The following CDH13 variants were observed in gnomAD, a reference collection of about 807,000 sequenced individuals.
CDH13 encodes the protein cadherin-13.
A neutral mutation model predicts 63.8 loss-of-function variants in CDH13; 24 were observed. The observed-to-expected ratio is 0.38, with a 90% CI of 0.27 to 0.53. CDH13 has a LOEUF of 0.53. CDH13 is among the 20% of genes least tolerant of loss of function. CDH13 has a pLI of 0.85. For missense variants in CDH13, 1,049 were observed against 903.1 expected (o/e 1.16, Z -2.07); for synonymous variants, 503 against 355.3 (o/e 1.42, Z -4.67).
chr16:83,359,620 G>C (rs569119557), intron 6 of CDH13, among the ~76,000 whole-genome samples: 14 of 152,268 alleles, frequency 9.2e-5, no homozygotes, highest in African/African-American at 3.4e-4. Context: ...GTACGAGTTT[G>C]AATTGGGCAC....
Position 83,403,618 on chromosome 16 carries a change from G to A in CDH13, c.781+58612G>A, listed in dbSNP as rs528407103. Among the ~76,000 whole-genome samples the A allele has an allele frequency of 7.9e-5, 12 of 151,424 alleles. No individual in the cohort carries two copies. In the South Asian group the frequency reaches 8.4e-4, roughly 11 times the overall value. On this transcript the variant is annotated intron_variant, in intron 6 of 13. Transcript: ENST00000567109. ...ACTCTGGGCGACAGAGCGAGACTCC[G>A]TCTCAAAAATAATAATAATAATAAT...
At chr16:83,650,504 GAC>G (rs958251006) in intron 8 of CDH13, among the ~76,000 whole-genome samples, 2 of 152,206 alleles carry the variant, frequency 1.3e-5, no homozygotes, top group Admixed American at 6.5e-5. Context: ...AGGGAGACCT[GAC>G]ACACACATCT....
At chr16:83,552,121 A>G (rs2075514135) in intron 7 of CDH13, among the ~76,000 whole-genome samples, 1 of 152,232 alleles carries the variant, frequency 6.6e-6, no homozygotes, top group Non-Finnish European at 1.5e-5. Flanking sequence ...GGCCCTGTCC[A>G]GGGAAGGCTG....
intron 1 of CDH13, among the ~76,000 whole-genome samples, chr16:82,699,312 C>G (rs1032241198): frequency 2.0e-5 from 3 of 152,098 alleles, no homozygotes; most frequent in East Asian, 1.9e-4. Context: ...CCTCTGAGAA[C>G]TAAGCTTCCA....
At chr16:82,997,753 G>C (rs1912406204) in intron 2 of CDH13, among the ~76,000 whole-genome samples, 1 of 152,164 alleles carries the variant, frequency 6.6e-6, no homozygotes, top group Non-Finnish European at 1.5e-5. Context: ...AAGTTCAGCA[G>C]TCTATCTGGC....
intron 3 of CDH13, among the ~76,000 whole-genome samples, chr16:83,119,919 G>A (rs888471400): frequency 2.0e-5 from 3 of 152,130 alleles, no homozygotes; most frequent in African/African-American, 7.2e-5. Context: ...TAAATCACAG[G>A]CAAAGATAGA....
At chr16:83,289,794 G>A (rs915122432) in intron 5 of CDH13, among the ~76,000 whole-genome samples, 2 of 152,140 alleles carry the variant, frequency 1.3e-5, no homozygotes, top group African/African-American at 4.8e-5. Flanking sequence ...AAGGATTTAT[G>A]ACAATGTCTA....
chr16:82,752,408 C>T (rs2034454188), intron 1 of CDH13, among the ~76,000 whole-genome samples: 1 of 152,170 alleles, frequency 6.6e-6, no homozygotes, highest in Non-Finnish European at 1.5e-5. Flanking sequence ...CACCACACCC[C>T]ATGTGTCTAG....
intron 2 of CDH13, among the ~76,000 whole-genome samples, chr16:82,923,213 C>T (rs2042209593): frequency 6.6e-6 from 1 of 152,116 alleles, no homozygotes; most frequent in East Asian, 1.9e-4. Flanking sequence ...AGGAAGTATG[C>T]CTGTAATAAT....
chr16:82,936,501 C>A (rs762142899), intron 2 of CDH13, among the ~76,000 whole-genome samples: 1 of 152,082 alleles, frequency 6.6e-6, no homozygotes, highest in Non-Finnish European at 1.5e-5. Flanking sequence ...AAATTAGCTT[C>A]CACAAAACTG....
intron 2 of CDH13, among the ~76,000 whole-genome samples, chr16:82,955,675 T>A (rs183630988): frequency 1.1e-4 from 17 of 152,192 alleles, no homozygotes; most frequent in African/African-American, 3.9e-4. Context: ...CAGATACAAT[T>A]GTGTTAGAGA....
rs1450927035 is a variant in CDH13, at chr16:83,620,418, G to A, written c.1101+17824G>A. Among the ~76,000 whole-genome samples the A allele has an allele frequency of 2.0e-5, 3 of 151,384 alleles. No homozygotes were observed. In the East Asian group the frequency reaches 5.9e-4, roughly 30 times the overall value. Reference sequence around the variant, plus strand: ...AAAAAAAAAAAAAAAAAAGATATAGGGAGGAACATTCCAAGACTCAGAGCC... The same window carrying A: ...AAAAAAAAAAAAAAAAAAGATATAGAGAGGAACATTCCAAGACTCAGAGCC... On this transcript the variant is annotated intron_variant, in intron 8 of 13. Transcript: ENST00000567109.
chr16:83,115,395 C>T (rs1292780247), intron 3 of CDH13, among the ~76,000 whole-genome samples: 1 of 152,168 alleles, frequency 6.6e-6, no homozygotes, highest in Non-Finnish European at 1.5e-5. Flanking sequence ...TTGGTGAATC[C>T]AGGACTAGGA....
chr16:82,816,551 G>C (rs2037720291), intron 1 of CDH13, among the ~76,000 whole-genome samples: 1 of 152,052 alleles, frequency 6.6e-6, no homozygotes, highest in African/African-American at 2.4e-5. Context: ...GCTAAGTCTT[G>C]AAAGAGGCAA....
At chr16:83,071,232 C>A (rs1380840583) in intron 3 of CDH13, among the ~76,000 whole-genome samples, 2 of 152,184 alleles carry the variant, frequency 1.3e-5, no homozygotes, top group African/African-American at 2.4e-5. Flanking sequence ...CAATTGTGGA[C>A]TGAATGCTTC....
At chr16:82,994,442 G>A (rs960067506) in intron 2 of CDH13, among the ~76,000 whole-genome samples, 1 of 152,112 alleles carries the variant, frequency 6.6e-6, no homozygotes, top group Non-Finnish European at 1.5e-5. Flanking sequence ...TCTGCTCTTG[G>A]CCTAGGGCTT....
At chr16:83,757,384 C>T (rs922617339) in intron 11 of CDH13, among the ~76,000 whole-genome samples, 1 of 152,154 alleles carries the variant, frequency 6.6e-6, no homozygotes, top group Non-Finnish European at 1.5e-5. Flanking sequence ...TCGAGACCAG[C>T]CTGGCCAACA....
chr16:83,505,098 A>C (rs1041746249), intron 7 of CDH13, among the ~76,000 whole-genome samples: 3 of 152,172 alleles, frequency 2.0e-5, no homozygotes, highest in African/African-American at 7.2e-5. Context: ...AAGGATGTGC[A>C]TAGGAAATGT....
chr16:83,324,868 A>T (rs1390882600), intron 5 of CDH13, among the ~76,000 whole-genome samples: 1 of 152,162 alleles, frequency 6.6e-6, no homozygotes, highest in Non-Finnish European at 1.5e-5. Flanking sequence ...TGCCCTTAGG[A>T]AAGAGATCAA....
Sources: gnomAD v4.1 joint callset for allele counts (sites outside exome capture counted in the v4.1 genomes callset) on GRCh38, gnomAD v4.1.1 for gene constraint, MANE v1.5 for transcripts, NCBI Gene and HGNC (gene_info 2026-07-23, HGNC 2026-07-21) for gene names.